SRGAP1: variants seen among roughly 807,000 people sequenced by gnomAD.
SRGAP1 encodes the protein SLIT-ROBO Rho GTPase activating protein 1.
A neutral mutation model predicts 121.9 loss-of-function variants in SRGAP1; 43 were observed. The ratio of observed to expected loss-of-function variants is 0.35; its 90% CI spans 0.28 to 0.46. SRGAP1 has a LOEUF of 0.46. Among genes scored for constraint, SRGAP1 ranks in the 20% least tolerant of loss-of-function variants. The pLI, the probability that SRGAP1 is intolerant of heterozygous loss-of-function variation, is 1.00. For synonymous variants in SRGAP1, 447 were observed against 485.4 expected (o/e 0.92, Z 1.04); for missense variants, 1,102 against 1,350.9 (o/e 0.82, Z 2.89).
intron 5 of SRGAP1, 82 bp from the exon 6 acceptor site, chr12:64,043,365 A>C: frequency 7.4e-7 from 1 of 1,358,918 alleles, no homozygotes; most frequent in South Asian, 1.4e-5. Flanking sequence ...GTTAAGGTTA[A>C]TAAAAATGCA....
intron 1 of SRGAP1, among the ~76,000 whole-genome samples, chr12:63,875,449 G>T (rs1433455073): frequency 6.6e-6 from 1 of 152,152 alleles, no homozygotes; most frequent in Admixed American, 6.6e-5. Flanking sequence ...TGAAATGTAT[G>T]TAAACAAAAT....
intron 8 of SRGAP1, among the ~76,000 whole-genome samples, chr12:64,072,247 A>AGT (rs1490101675): frequency 6.6e-6 from 1 of 151,690 alleles, no homozygotes; most frequent in Admixed American, 6.6e-5. Context: ...ACAAGTAGGA[A>AGT]GTAGTTCAGT....
chr12:63,892,008 GAAAA>G (rs1900601987), intron 1 of SRGAP1, among the ~76,000 whole-genome samples: 1 of 146,506 alleles, frequency 6.8e-6, no homozygotes, highest in Admixed American at 6.8e-5. Context: ...AAGAAAAAAA[GAAAA>G]AAGAAAAGAG....
At chr12:63,930,470 G>A (rs10784373) in intron 1 of SRGAP1, among the ~76,000 whole-genome samples, 64,485 of 151,736 alleles carry the variant, frequency 0.42, 14,027 homozygotes, top group African/African-American at 0.52. Flanking sequence ...TAAAACATAG[G>A]AACTTTTAAA....
At chr12:63,918,695 G>C (rs2030902444) in intron 1 of SRGAP1, among the ~76,000 whole-genome samples, 1 of 152,232 alleles carries the variant, frequency 6.6e-6, no homozygotes, top group Non-Finnish European at 1.5e-5. Flanking sequence ...GGGATTACAG[G>C]CGTGAGCCGT....
At chr12:63,954,688 A>AAAAAAAG (rs57230527) in intron 1 of SRGAP1, among the ~76,000 whole-genome samples, 5 of 130,280 alleles carry the variant, frequency 3.8e-5, no homozygotes, top group African/African-American at 1.1e-4. Context: ...AAAAAAAAAA[A>AAAAAAAG]AAAAGAAAAG....
At chr12:63,977,339 G>A (rs577759744) in intron 1 of SRGAP1, among the ~76,000 whole-genome samples, 1 of 152,236 alleles carries the variant, frequency 6.6e-6, no homozygotes, top group African/African-American at 2.4e-5. Context: ...AGGAAATTCT[G>A]ACCAAATGAG....
At chr12:64,006,664 G>A (rs987263168) in intron 3 of SRGAP1, among the ~76,000 whole-genome samples, 4 of 152,118 alleles carry the variant, frequency 2.6e-5, no homozygotes, top group Admixed American at 6.5e-5. Flanking sequence ...AGTAATCTGG[G>A]TGATAATTTT....
intron 1 of SRGAP1, among the ~76,000 whole-genome samples, chr12:63,876,875 A>G (rs1042280142): frequency 2.6e-5 from 4 of 152,224 alleles, no homozygotes; most frequent in Non-Finnish European, 5.9e-5. Context: ...AAAAAATATG[A>G]ACCAGGCTTT....
At chr12:64,114,885 A>T (rs1051637874) in intron 17 of SRGAP1, among the ~76,000 whole-genome samples, 1 of 152,202 alleles carries the variant, frequency 6.6e-6, no homozygotes, top group Non-Finnish European at 1.5e-5. Context: ...CAGGAAGTCA[A>T]CAGTGTAGTA....
At chr12:64,065,727 TTAA>T (rs770287786) in intron 8 of SRGAP1, among the ~76,000 whole-genome samples, 2 of 152,312 alleles carry the variant, frequency 1.3e-5, no homozygotes, top group South Asian at 2.1e-4. Flanking sequence ...GTGTGCCATG[TTAA>T]TTTAATCCTA....
At chr12:64,017,938 T>A (rs1190333927) in intron 4 of SRGAP1, among the ~76,000 whole-genome samples, 1 of 152,150 alleles carries the variant, frequency 6.6e-6, no homozygotes, top group Non-Finnish European at 1.5e-5. Flanking sequence ...GTAATATACT[T>A]ATGTAAGTAT....
chr12:64,137,536 T>C (rs1216076450), intron 21 of SRGAP1, among the ~76,000 whole-genome samples: 3 of 152,192 alleles, frequency 2.0e-5, no homozygotes, highest in Non-Finnish European at 2.9e-5. Flanking sequence ...AAAATGCAGA[T>C]TATTTTATTA....
chr12:63,868,087 T>TTTTTTTTTG (rs1899721971), intron 1 of SRGAP1, among the ~76,000 whole-genome samples: 1 of 86,524 alleles, frequency 1.2e-5, no homozygotes, highest in Admixed American at 1.3e-4. Flanking sequence ...TTGTTTTTTT[T>TTTTTTTTTG]TTTTTGTTTT....
chr12:63,967,867 G>T (rs1257752833), intron 1 of SRGAP1, among the ~76,000 whole-genome samples: 1 of 152,182 alleles, frequency 6.6e-6, no homozygotes, highest in Non-Finnish European at 1.5e-5. Flanking sequence ...CATCAACAGT[G>T]CTCATCCTGA....
chr12:64,087,661 G>A (rs540744414), intron 11 of SRGAP1, among the ~76,000 whole-genome samples: 4 of 152,148 alleles, frequency 2.6e-5, no homozygotes, highest in South Asian at 2.1e-4. Context: ...ACTTGAACCC[G>A]GCAGGCGGAG....
At chr12:64,022,492 G>C (rs983781501) in intron 4 of SRGAP1, among the ~76,000 whole-genome samples, 1 of 152,156 alleles carries the variant, frequency 6.6e-6, no homozygotes, top group Non-Finnish European at 1.5e-5. Flanking sequence ...GTTTTACCCA[G>C]CCTACTGATT....
At chr12:63,990,661 A>ATC (rs2033533993) in intron 3 of SRGAP1, among the ~76,000 whole-genome samples, 2 of 152,226 alleles carry the variant, frequency 1.3e-5, no homozygotes, top group South Asian at 4.1e-4. Flanking sequence ...AATGTGAGCA[A>ATC]AAATTTTGAT....
At chr12:63,994,918 C>T (rs1199396169) in intron 3 of SRGAP1, among the ~76,000 whole-genome samples, 2 of 152,230 alleles carry the variant, frequency 1.3e-5, no homozygotes, top group Non-Finnish European at 2.9e-5. Context: ...AGAAAATGTG[C>T]AGTTCATATG....
Sources: gnomAD v4.1 joint callset for allele counts (sites outside exome capture counted in the v4.1 genomes callset) on GRCh38, gnomAD v4.1.1 for gene constraint, MANE v1.5 for transcripts, NCBI Gene and HGNC (gene_info 2026-07-23, HGNC 2026-07-21) for gene names.